Variants in DGKH observed in about 807,000 individuals in gnomAD.
The protein encoded by DGKH is diacylglycerol kinase eta.
DGKH carries 90 observed loss-of-function variants against 159.3 expected under a neutral mutation model. The ratio of observed to expected loss-of-function variants is 0.57; its 90% confidence interval spans 0.48 to 0.67. The LOEUF (loss-of-function observed/expected upper bound fraction) is 0.67, where lower values mean the gene tolerates loss of function less well. DGKH is among the 30% of genes least tolerant of loss of function. The probability of loss-of-function intolerance (pLI) is 0.00; values close to 1 mark genes in which losing one functional copy is unlikely to be tolerated. For synonymous variants in DGKH, 536 were observed against 553.8 expected, an observed-to-expected ratio of 0.97 and a Z score of 0.45; for missense variants, 1,181 against 1,506.1, an observed-to-expected ratio of 0.78 and a Z score of 3.57.
At chr13:42,074,840 T>C (rs2137702984) in intron 1 of DGKH, among the ~76,000 whole-genome samples, 1 of 152,300 alleles carries the variant, frequency 6.6e-6, no homozygotes, top group South Asian at 2.1e-4. Flanking sequence ...TTCTAATAAA[T>C]GCATAATTTA....
intron 1 of DGKH, among the ~76,000 whole-genome samples, chr13:42,056,392 G>A (rs1881760990): frequency 6.6e-6 from 1 of 152,066 alleles, no homozygotes; most frequent in South Asian, 2.1e-4. Flanking sequence ...TTGAGTATCA[G>A]CACTTTTTCA....
chr13:42,107,957 A>C (rs939260676), intron 1 of DGKH, among the ~76,000 whole-genome samples: 1 of 152,158 alleles, frequency 6.6e-6, no homozygotes, highest in Non-Finnish European at 1.5e-5. Context: ...CTTTCTGTCT[A>C]CTTCCCTTTT....
intron 24 of DGKH, 106 bp from the exon 25 acceptor site, chr13:42,214,401 T>G: frequency 9.8e-7 from 1 of 1,024,594 alleles, no homozygotes; most frequent in Non-Finnish European, 1.4e-6. Context: ...TCCATACTGA[T>G]CTTCATATAT....
At chr13:42,254,896 A>T (rs1044602691) in intron 30 of DGKH, among the ~76,000 whole-genome samples, 5 of 152,060 alleles carry the variant, frequency 3.3e-5, no homozygotes, top group African/African-American at 9.7e-5. Context: ...TTCTTTTTTT[A>T]AAATAATGAA....
intron 3 of DGKH, among the ~76,000 whole-genome samples, chr13:42,145,530 CT>C (rs1233282120): frequency 6.6e-6 from 1 of 151,942 alleles, no homozygotes; most frequent in Non-Finnish European, 1.5e-5. Context: ...AGAAGTTAGT[CT>C]TTGTATCTTG....
rs1958265085 is a variant in DGKH at position 42,230,601 on chromosome 13, CAGT to C, written c.*1414_*1416del. On this transcript the variant is annotated 3_prime_UTR_variant, in exon 30 of 30. Transcript: ENST00000337343. ...AAGAGAAATAAACAGGGTACTGACT[CAGT>C]GGTGACAATTTTTATGAAGTAGCCT... is the stretch of plus-strand genomic sequence containing the variant. 6.6e-6 allele frequency: 1 copy of C among 152,046 alleles called. No homozygotes were observed. The highest frequency in any genetic ancestry group is 1.5e-5 in the Non-Finnish European group (1 of 67,960). The allele number at this position is 152,046 out of a possible 1,614,324, so 9.4% of individuals were successfully genotyped here.
In DGKH at chr13:42,048,868, CGGGGCCG is replaced by C. The variant is rs1436013603; in HGVS notation, c.98_104del (p.Gly33GlufsTer17). 1 of 1,370,768 alleles carries C rather than the reference CGGGGCCG, an allele frequency of 7.3e-7. No individual in the cohort carries two copies. Among genetic ancestry groups the C allele is most frequent in the Non-Finnish European group, 9.5e-7 (1 of 1,057,188 alleles). 84.9% of individuals were successfully genotyped at this position (1,370,768 alleles called of 1,614,324 possible). ...GCGGTCACCTCCGCCGCTGCCTCGG[CGGGGCCG>C]GGAGAGGATTCGTCTGACAGCGAAG... On this transcript the variant is annotated frameshift_variant, in exon 1 of 30. Coordinates refer to ENST00000337343, the MANE Select transcript of DGKH (RefSeq NM_178009.5). LOFTEE classifies it high-confidence loss of function. This position sits in a 1 kb window ranked among gnomAD's most constrained non-coding sequence, Gnocchi z 6.7.
intron 1 of DGKH, among the ~76,000 whole-genome samples, chr13:42,119,122 C>A (rs1360105388): frequency 6.6e-6 from 1 of 152,156 alleles, no homozygotes; most frequent in African/African-American, 2.4e-5. Flanking sequence ...CCTTGGGTGA[C>A]ACCAGATGCT....
At position 42,070,630 on chromosome 13, in the gene DGKH, G is replaced by A. The variant is rs1251422780; in HGVS notation, c.192+21665G>A. On this transcript the variant is annotated intron_variant, in intron 1 of 29. Transcript: ENST00000337343. ...TTCAGTATTAATGAAAAGATTAGTT[G>A]GTTTGAGATCTCTGTGCAGTACATT... 4.5e-5 allele frequency: 73 copies of A among 1,610,636 alleles called. 3 individuals carry two copies. The South Asian group carries it at 6.2e-4, about 14-fold the overall frequency.
chr13:42,121,923 A>G (rs138352298), intron 1 of DGKH, among the ~76,000 whole-genome samples: 19 of 152,326 alleles, frequency 1.2e-4, no homozygotes, highest in African/African-American at 4.3e-4. Flanking sequence ...CTCTCCCTCA[A>G]GAGTTCTTTA....
chr13:42,135,092 A>G (rs1955372450), intron 3 of DGKH, among the ~76,000 whole-genome samples: 1 of 152,230 alleles, frequency 6.6e-6, no homozygotes, highest in Non-Finnish European at 1.5e-5. Flanking sequence ...TTCTGCCATA[A>G]TAAAACTTAC....
At chr13:42,176,856 C>T (rs774489413) in intron 12 of DGKH, among the ~76,000 whole-genome samples, 15 of 152,058 alleles carry the variant, frequency 9.9e-5, no homozygotes, top group Non-Finnish European at 1.9e-4. Context: ...ATGTAAGGCT[C>T]TGAATATGAG....
intron 8 of DGKH, 30 bp downstream of exon 8, chr13:42,165,463 T>A: frequency 7.9e-7 from 1 of 1,259,540 alleles, no homozygotes; most frequent in Non-Finnish European, 1.1e-6. Flanking sequence ...GTACGTATAT[T>A]TCTGGTATAT....
At chr13:42,092,782 TA>T (rs2137751289) in intron 1 of DGKH, among the ~76,000 whole-genome samples, 1 of 152,312 alleles carries the variant, frequency 6.6e-6, no homozygotes, top group East Asian at 1.9e-4. Flanking sequence ...GGTAAATGTT[TA>T]AGGTGATGGA....
intron 13 of DGKH, among the ~76,000 whole-genome samples, chr13:42,179,408 A>C (rs1956690212): frequency 1.3e-5 from 2 of 152,190 alleles, no homozygotes; most frequent in African/African-American, 4.8e-5. Context: ...AAAGGAGAAA[A>C]TTTAATTCTA....
intron 16 of DGKH, among the ~76,000 whole-genome samples, chr13:42,191,273 A>G (rs1313296215): frequency 1.3e-5 from 2 of 152,212 alleles, no homozygotes; most frequent in African/African-American, 4.8e-5. Context: ...CATGGCACTT[A>G]TGAAAAGTCA....
chr13:42,184,980 T>G (rs1956877425), intron 13 of DGKH, among the ~76,000 whole-genome samples: 1 of 152,168 alleles, frequency 6.6e-6, no homozygotes, highest in Non-Finnish European at 1.5e-5. Flanking sequence ...CTTTCATTTA[T>G]TTGACTTTTG....
chr13:42,049,628 T>C (rs1881118198), intron 1 of DGKH, among the ~76,000 whole-genome samples: 1 of 152,244 alleles, frequency 6.6e-6, no homozygotes, highest in South Asian at 2.1e-4. Flanking sequence ...CTCCAAGGGC[T>C]GGCCAGGCTT....
upstream of DGKH, among the ~76,000 whole-genome samples, chr13:42,048,235 G>C (rs573193236): frequency 6.6e-6 from 1 of 152,158 alleles, no homozygotes; most frequent in African/African-American, 2.4e-5. The surrounding 1 kb of genome is among the most constrained non-coding windows in gnomAD (Gnocchi z 6.7). Flanking sequence ...GAGATTCGGG[G>C]TTCAGGAGGT....
Sources: allele counts gnomAD v4.1 joint callset (sites outside exome capture counted in the v4.1 genomes callset), GRCh38; gene constraint gnomAD v4.1.1; non-coding constraint Gnocchi (gnomAD v3.1); transcripts MANE v1.5; gene names NCBI Gene and HGNC (gene_info 2026-07-23, HGNC 2026-07-21).